LIPC: variants seen among roughly 807,000 people sequenced by gnomAD.
The protein encoded by LIPC is hepatic triacylglycerol lipase.
Under a neutral mutation model 50.7 loss-of-function variants are expected in LIPC, and 44 were observed. The ratio of observed to expected loss-of-function variants is 0.87; its 90% CI spans 0.68 to 1.11. The LOEUF (loss-of-function observed/expected upper bound fraction) is 1.11. Among genes scored for constraint, LIPC ranks in the 50% most tolerant of loss-of-function variants. The probability of loss-of-function intolerance (pLI) is 0.00; values close to 1 mark genes in which losing one functional copy is unlikely to be tolerated. For missense variants in LIPC, 697 were observed against 648.2 expected (o/e 1.08, Z -0.82); for synonymous variants, 271 against 256.4 (o/e 1.06, Z -0.54).
At chr15:58,444,671 A>G in intron 1 of LIPC, among the ~76,000 whole-genome samples, 1 of 152,108 alleles carries the variant, frequency 6.6e-6, no homozygotes, top group East Asian at 1.9e-4. Flanking sequence ...CCCCAGTCAT[A>G]TTGGATTAAG....
At chr15:58,549,490 C>T (rs1244786816) in intron 6 of LIPC, among the ~76,000 whole-genome samples, 1 of 152,176 alleles carries the variant, frequency 6.6e-6, no homozygotes, top group Non-Finnish European at 1.5e-5. Flanking sequence ...CTCCCAACAG[C>T]CAGGCGAGGA....
intron 1 of LIPC, among the ~76,000 whole-genome samples, chr15:58,449,556 CT>C (rs766486784): frequency 0.013 from 1,821 of 142,186 alleles, 10 homozygotes; most frequent in Middle Eastern, 0.022. Flanking sequence ...TGCATTTGTT[CT>C]TTTTTTTTTT....
chr15:58,510,322 C>T (rs144254852), intron 1 of LIPC, among the ~76,000 whole-genome samples: 5 of 152,340 alleles, frequency 3.3e-5, no homozygotes, highest in South Asian at 2.1e-4. Context: ...TAACTGCCAT[C>T]GCTTCAGTTG....
At position 58,548,544 on chromosome 15, in the gene LIPC, C is replaced by A; in HGVS notation, c.1023C>A (p.Leu341=). 1 of 1,594,294 alleles carries A rather than the reference C, an allele frequency of 6.3e-7. No individual in the cohort carries two copies. Among genetic ancestry groups the A allele is most frequent in the Non-Finnish European group, 8.5e-7 (1 of 1,170,648 alleles). Residue 341 remains leucine, a synonymous_variant, in exon 6 of 9, where the codon CTC becomes CTA. Coordinates refer to ENST00000299022, the MANE Select transcript of LIPC (RefSeq NM_000236.3). ...EPRSKSKRLF[L]VTRAQSPFKV... is the part of the protein sequence containing the mutation. ...GGAGCAAGAGCAAGAGGCTCTTCCT[C>A]GTAACGCGAGCCCAGTCCCCCTTCA...
intron 8 of LIPC, among the ~76,000 whole-genome samples, chr15:58,567,281 GTATA>G (rs769000261): frequency 0.012 from 805 of 65,412 alleles, 7 homozygotes; most frequent in Non-Finnish European, 0.016. Flanking sequence ...GTGTGTGTGT[GTATA>G]TATATATACA....
At chr15:58,514,305 A>G (rs1224651472) in intron 1 of LIPC, among the ~76,000 whole-genome samples, 2 of 152,220 alleles carry the variant, frequency 1.3e-5, no homozygotes, top group South Asian at 2.1e-4. Context: ...AAAGTCAAAC[A>G]ATGTCTATAA....
chr15:58,555,241 G>A (rs1462885449), intron 6 of LIPC, among the ~76,000 whole-genome samples: 3 of 152,204 alleles, frequency 2.0e-5, no homozygotes, highest in Non-Finnish European at 4.4e-5. Flanking sequence ...AAGAAAAAGT[G>A]TATCGCCAAG....
chr15:58,523,659 C>T (rs1024984761), intron 1 of LIPC, among the ~76,000 whole-genome samples: 6 of 152,046 alleles, frequency 3.9e-5, no homozygotes, highest in African/African-American at 1.4e-4. Flanking sequence ...AGGCTCACGC[C>T]TATAATCCCA....
chr15:58,483,765 C>T (rs559147275), intron 1 of LIPC, among the ~76,000 whole-genome samples: 129 of 151,956 alleles, frequency 8.5e-4, no homozygotes, highest in African/African-American at 3.0e-3. Flanking sequence ...TTTTTTCCTA[C>T]CTAGTATTGA....
At chr15:58,472,164 G>A (rs916618048) in intron 1 of LIPC, among the ~76,000 whole-genome samples, 21 of 150,416 alleles carry the variant, frequency 1.4e-4, no homozygotes, top group African/African-American at 4.9e-4. Flanking sequence ...CCAGCTACTC[G>A]GGAGGCTGAA....
intron 1 of LIPC, among the ~76,000 whole-genome samples, chr15:58,478,991 AG>A (rs1891095971): frequency 6.6e-6 from 1 of 152,236 alleles, no homozygotes; most frequent in Non-Finnish European, 1.5e-5. Flanking sequence ...AGTTGAAGCC[AG>A]GGTCCACTGG....
intron 1 of LIPC, among the ~76,000 whole-genome samples, chr15:58,510,000 T>C (rs1892282568): frequency 6.6e-6 from 1 of 152,168 alleles, no homozygotes; most frequent in South Asian, 2.1e-4. Flanking sequence ...GCTATTTATA[T>C]ACTATTTCAT....
intron 1 of LIPC, among the ~76,000 whole-genome samples, chr15:58,457,418 G>A (rs1430566028): frequency 1.3e-5 from 2 of 152,166 alleles, no homozygotes; most frequent in Admixed American, 1.3e-4. Context: ...CAGACATGAC[G>A]TATTCTAAGC....
rs142773155 is a variant in LIPC, at chr15:58,457,316, G to C, written c.88+25196G>C. Among the ~76,000 whole-genome samples the C allele has an allele frequency of 4.7e-3, 721 of 152,210 alleles. 4 individuals are homozygous for C. Among genetic ancestry groups the C allele is most frequent in the African/African-American group, 0.017 (691 of 41,516 alleles). On this transcript the variant is annotated intron_variant, in intron 1 of 8. Coordinates refer to ENST00000299022, the MANE Select transcript of LIPC (RefSeq NM_000236.3). Reference sequence around the variant, plus strand: ...GCAGAGACAGGGTTTCTCCACTTTGGTCATGCTGGTCTCAAACTCCCGACC... The same window carrying C: ...GCAGAGACAGGGTTTCTCCACTTTGCTCATGCTGGTCTCAAACTCCCGACC...
chr15:58,451,039 G>C (rs1303981315), intron 1 of LIPC, among the ~76,000 whole-genome samples: 1 of 152,180 alleles, frequency 6.6e-6, no homozygotes, highest in South Asian at 2.1e-4. Context: ...AACGTACTAG[G>C]AAGAATCATG....
intron 1 of LIPC, among the ~76,000 whole-genome samples, chr15:58,480,469 A>G (rs1165400856): frequency 6.6e-6 from 1 of 151,970 alleles, no homozygotes; most frequent in African/African-American, 2.4e-5. Context: ...TAATTTTTGT[A>G]TTTTTAGTAG....
chr15:58,451,669 G>A (rs889798124), intron 1 of LIPC, among the ~76,000 whole-genome samples: 1 of 152,192 alleles, frequency 6.6e-6, no homozygotes, highest in Non-Finnish European at 1.5e-5. Flanking sequence ...ACCCAAACAG[G>A]ACTGATCAGG....
At chr15:58,540,857 G>A (rs1247610091) in intron 2 of LIPC, among the ~76,000 whole-genome samples, 4 of 152,090 alleles carry the variant, frequency 2.6e-5, no homozygotes, top group Non-Finnish European at 5.9e-5. Flanking sequence ...AGGCTGGAGG[G>A]CAGTGTGATC....
chr15:58,448,016 G>T (rs575635497), intron 1 of LIPC, among the ~76,000 whole-genome samples: 1 of 152,288 alleles, frequency 6.6e-6, no homozygotes, highest in Admixed American at 6.5e-5. Context: ...GACCTAAAAA[G>T]TTACTCCAAG....
Sources: gnomAD v4.1 joint callset for allele counts (sites outside exome capture counted in the v4.1 genomes callset) on GRCh38, gnomAD v4.1.1 for gene constraint, MANE v1.5 for transcripts, NCBI Gene and HGNC (gene_info 2026-07-23, HGNC 2026-07-21) for gene names.